Variants in TSHR observed in about 807,000 individuals in gnomAD.
TSHR encodes thyroid stimulating hormone receptor, also known as thyrotropin receptor.
A neutral mutation model predicts 64.1 loss-of-function variants in TSHR; 51 were observed. The observed-to-expected ratio is 0.80, with a 90% confidence interval of 0.64 to 1.01. The LOEUF (loss-of-function observed/expected upper bound fraction) is 1.01. TSHR is among the 50% of genes least tolerant of loss of function. TSHR has a pLI of 0.00. For synonymous variants in TSHR, 361 were observed against 361.9 expected, an observed-to-expected ratio of 1.00 and a Z score of 0.03; for missense variants, 877 against 942.8, an observed-to-expected ratio of 0.93 and a Z score of 0.91.
chr14:80,974,694 C>T (rs760780450), intron 1 of TSHR, among the ~76,000 whole-genome samples: 2 of 152,084 alleles, frequency 1.3e-5, no homozygotes, highest in African/African-American at 2.4e-5. Flanking sequence ...TCCTTTTACT[C>T]GTAAGAAACT....
intron 1 of TSHR, among the ~76,000 whole-genome samples, chr14:81,039,699 C>A (rs1049363763): frequency 6.6e-6 from 1 of 151,532 alleles, no homozygotes; most frequent in African/African-American, 2.4e-5. Flanking sequence ...GAAAAATAAA[C>A]CAAAAAAGCA....
chr14:80,989,635 A>G lies in TSHR; in HGVS notation c.170+33785A>G, dbSNP rs373250353. Among the ~76,000 whole-genome samples, 4 of 152,276 alleles carry G rather than the reference A, an allele frequency of 2.6e-5. No individual in the cohort carries two copies. The East Asian group carries it at 5.8e-4, about 22-fold the overall frequency. ...CTTCAAGTCTCAGATCAAATGCCTT[A>G]TTCTTCCCAAAGCCTTCCCAAATCC... On this transcript the variant is annotated intron_variant, in intron 1 of 9. Coordinates refer to ENST00000298171, the MANE Select transcript of TSHR (RefSeq NM_000369.5).
At position 81,113,551 on chromosome 14, in the gene TSHR, C is replaced by T. The variant is rs919167560; in HGVS notation, c.692+5099C>T. On this transcript the variant is annotated intron_variant, in intron 8 of 9. Transcript: ENST00000298171. ...AATAGAATTGAGACTTCTGAACTTT[C>T]CCCACCAATGTGATTTCCCTGATCT... Among the ~76,000 whole-genome samples the T allele has an allele frequency of 2.2e-4, 33 of 151,716 alleles. 1 individual carries two copies. Among genetic ancestry groups the T allele is most frequent in the African/African-American group, 7.5e-4 (31 of 41,110 alleles).
At position 81,067,483 on chromosome 14, in the gene TSHR, T is replaced by TTATATATATATATATATATA. The variant is rs71103896; in HGVS notation, c.243-768_243-749dup. Reference sequence around the variant, plus strand: ...TAATTAGTGAAAGGAGTTTATAGTTTTATATATATATATATATATATAGTG... The same window carrying TTATATATATATATATATATA: ...TAATTAGTGAAAGGAGTTTATAGTTTTATATATATATATATATATATATATATATATATATATATATAGTG... On this transcript the variant is annotated intron_variant, in intron 2 of 9. Coordinates refer to ENST00000298171, the MANE Select transcript of TSHR (RefSeq NM_000369.5). Among the ~76,000 whole-genome samples the TTATATATATATATATATATA allele has an allele frequency of 2.7e-3, 363 of 134,834 alleles. 1 individual carries two copies. Among genetic ancestry groups the TTATATATATATATATATATA allele is most frequent in the African/African-American group, 7.6e-3 (262 of 34,610 alleles). The allele number at this position is 134,834 out of a possible 152,430, so 88.5% of individuals were successfully genotyped here. A position where few individuals can be genotyped will look rare whatever the true frequency, so the allele number is the denominator to read the frequency against.
chr14:81,076,038 C>T (rs1018921216), intron 3 of TSHR, among the ~76,000 whole-genome samples: 9 of 152,020 alleles, frequency 5.9e-5, no homozygotes, highest in East Asian at 3.9e-4. Context: ...AGTAAACTAT[C>T]GCAAGAACAA....
At chr14:81,072,215 C>T (rs1250486916) in intron 3 of TSHR, among the ~76,000 whole-genome samples, 1 of 152,140 alleles carries the variant, frequency 6.6e-6, no homozygotes, top group South Asian at 2.1e-4. Flanking sequence ...GTGTTGAGGA[C>T]AGTTATTATT....
intron 3 of TSHR, among the ~76,000 whole-genome samples, chr14:81,082,101 ACT>A (rs1887944111): frequency 1.3e-5 from 2 of 152,112 alleles, no homozygotes; most frequent in Non-Finnish European, 2.9e-5. Context: ...TGCTCTGGAG[ACT>A]CTCCCAGCAC....
At chr14:81,125,106 G>T in intron 8 of TSHR, among the ~76,000 whole-genome samples, 1 of 152,138 alleles carries the variant, frequency 6.6e-6, no homozygotes, top group East Asian at 1.9e-4. Flanking sequence ...ATAAGTAACT[G>T]TAACATAAGT....
chr14:80,980,359 G>A (rs1195439060), intron 1 of TSHR, among the ~76,000 whole-genome samples: 2 of 152,038 alleles, frequency 1.3e-5, no homozygotes, highest in African/African-American at 4.8e-5. Flanking sequence ...CTTTAACTTA[G>A]GTTTCTCTTT....
chr14:81,121,753 C>A (rs1595149197), intron 8 of TSHR, among the ~76,000 whole-genome samples: 1 of 151,896 alleles, frequency 6.6e-6, no homozygotes, highest in Non-Finnish European at 1.5e-5. Context: ...GTCGGCTTAG[C>A]CAACATGGTG....
At chr14:81,115,860 A>G (rs1566822770) in intron 8 of TSHR, among the ~76,000 whole-genome samples, 1 of 152,092 alleles carries the variant, frequency 6.6e-6, no homozygotes, top group Non-Finnish European at 1.5e-5. Flanking sequence ...GCCAGAAGAG[A>G]GTGGGGGCCA....
intron 1 of TSHR, among the ~76,000 whole-genome samples, chr14:81,015,550 T>C (rs926459994): frequency 5.3e-5 from 8 of 152,182 alleles, no homozygotes; most frequent in African/African-American, 1.7e-4. Context: ...ACGTGATGCT[T>C]TGAAATATGT....
chr14:81,035,705 T>C (rs1046514488), intron 1 of TSHR, among the ~76,000 whole-genome samples: 8 of 152,190 alleles, frequency 5.3e-5, no homozygotes, highest in East Asian at 3.8e-4. Flanking sequence ...AAATGGGTAA[T>C]GCTTGTGTTT....
At chr14:80,999,438 C>A (rs1225267292) in intron 1 of TSHR, among the ~76,000 whole-genome samples, 1 of 152,126 alleles carries the variant, frequency 6.6e-6, no homozygotes, top group Non-Finnish European at 1.5e-5. Context: ...CAAATTGCTC[C>A]CATTTTGGAT....
intron 3 of TSHR, among the ~76,000 whole-genome samples, chr14:81,086,308 A>G (rs1257086566): frequency 6.6e-6 from 1 of 152,202 alleles, no homozygotes; most frequent in African/African-American, 2.4e-5. Context: ...GTGTTTAGGG[A>G]GGAGAGAGGT....
chr14:81,023,908 A>C (rs1883905582), intron 1 of TSHR, among the ~76,000 whole-genome samples: 1 of 152,108 alleles, frequency 6.6e-6, no homozygotes, highest in Non-Finnish European at 1.5e-5. Context: ...ATTTTTTTGC[A>C]GAACAGGGCA....
chr14:81,039,753 A>G (rs777903338), intron 1 of TSHR, among the ~76,000 whole-genome samples: 19 of 152,084 alleles, frequency 1.2e-4, no homozygotes, highest in Non-Finnish European at 2.5e-4. Flanking sequence ...TTAGCAATAA[A>G]TTTAACCAAG....
chr14:81,005,197 TTGTGTGTGTGTGTGTGTGTG>T (rs71103894), intron 1 of TSHR, among the ~76,000 whole-genome samples: 103 of 149,906 alleles, frequency 6.9e-4, no homozygotes, highest in Admixed American at 1.9e-3. Context: ...ACTCAAGCCT[TTGTGTGTGTGTGTGTGTGTG>T]TGTGTGTGTG....
chr14:81,139,979 T>A, intron 9 of TSHR, 112 bp downstream of exon 9: 1 of 1,379,898 alleles, frequency 7.2e-7, no homozygotes, highest in Non-Finnish European at 1.0e-6. Flanking sequence ...GAGAGGAAAT[T>A]GGAAGCATCC....
Sources: gnomAD v4.1 joint callset for allele counts (sites outside exome capture counted in the v4.1 genomes callset) on GRCh38, gnomAD v4.1.1 for gene constraint, MANE v1.5 for transcripts, NCBI Gene and HGNC (gene_info 2026-07-23, HGNC 2026-07-21) for gene names.